The following ZFY variants were observed in gnomAD, a reference collection of about 807,000 sequenced individuals.
ZFY encodes the protein zinc finger protein Y-linked.
For missense variants in ZFY, 113 were observed against 170.9 expected, an observed-to-expected ratio of 0.66 and a Z score of 1.89; for synonymous variants, 47 against 55.8, an observed-to-expected ratio of 0.84 and a Z score of 0.71.
At chrY:2,937,730 C>A (rs1450233337) in intron 1 of ZFY, among the ~76,000 whole-genome samples, 1 of 32,316 alleles carries the variant, frequency 3.1e-5, no homozygotes, top group African/African-American at 1.2e-4. Flanking sequence ...TGAAACTTTG[C>A]CCTTCTTCTT....
chrY:2,946,970 C>T, intron 1 of ZFY, among the ~76,000 whole-genome samples: 1 of 33,022 alleles, frequency 3.0e-5, no homozygotes, highest in South Asian at 6.6e-4. Context: ...AAGATTGCGC[C>T]TGCGCCAGTG....
At chrY:2,956,382 A>G in intron 2 of ZFY, among the ~76,000 whole-genome samples, 4 of 33,506 alleles carry the variant, frequency 1.2e-4, no homozygotes, top group African/African-American at 4.7e-4. Flanking sequence ...ACAATTATAC[A>G]GTTCACCATA....
chrY:2,944,736 ATTTTTTTTTTTTT>A (rs764137501), intron 1 of ZFY, among the ~76,000 whole-genome samples: 1 of 4,295 alleles, frequency 2.3e-4, no homozygotes, highest in Non-Finnish European at 4.0e-4. Flanking sequence ...TCTTTTTATG[ATTTTTTTTTTTTT>A]TTTTTTTTTT....
At chrY:2,963,473 T>C (rs2124508477) in intron 3 of ZFY, among the ~76,000 whole-genome samples, 1 of 33,610 alleles carries the variant, frequency 3.0e-5, no homozygotes, top group Admixed American at 2.7e-4. Context: ...ATATCATCTT[T>C]AAGGACAGGT....
chrY:2,935,525 A>C lies in ZFY; in HGVS notation c.-273A>C. The C allele has an allele frequency of 5.7e-5, 2 of 34,791 alleles. No homozygotes were observed. Among genetic ancestry groups the C allele is most frequent in the African/African-American group, 1.1e-4 (1 of 9,003 alleles). The allele number at this position is 34,791 out of a possible 400,897, so 8.7% of individuals were successfully genotyped here. A position where few individuals can be genotyped will look rare whatever the true frequency, so the allele number is the denominator to read the frequency against. ...GTTTGTGGCCTGGTCGGCGTCCCGT[A>C]GGGCGCCCTCCCGCGCTAGGCCGGC... On this transcript the variant is annotated 5_prime_UTR_variant, in exon 1 of 8. Coordinates refer to ENST00000155093, the MANE Select transcript of ZFY (RefSeq NM_003411.4).
Position 2,975,525 on chromosome Y carries a change from A to C in ZFY, c.799A>C (p.Ile267Leu). ...TTCTCTGATAGGTGGAACTGTAGAC[A>C]TTGTGGAGAGTGAACCTGAAAATGA... ...GEDDLGGTVDIVESEPENDHG... is the reference protein window; with the variant it reads ...GEDDLGGTVDLVESEPENDHG... The change falls in exon 5 of 8, where the codon ATT becomes CTT. Residue 267 changes from isoleucine (I) to leucine (L), a missense_variant. By Grantham distance (5) the Ile-to-Leu change is conservative. Coordinates refer to ENST00000155093, the MANE Select transcript of ZFY (RefSeq NM_003411.4). 2.5e-6 allele frequency: 1 copy of C among 398,525 alleles called. No individual in the cohort carries two copies. The highest frequency in any genetic ancestry group is 3.5e-6 in the Non-Finnish European group (1 of 283,319).
intron 4 of ZFY, 51 bp downstream of exon 4, chrY:2,975,295 C>G (rs2051363214): frequency 2.8e-6 from 1 of 362,165 alleles, no homozygotes; most frequent in African/African-American, 6.7e-5. Context: ...ATGTTTCAAC[C>G]AAATGGTGTC....
intron 1 of ZFY, among the ~76,000 whole-genome samples, chrY:2,937,482 C>CT (rs2051219486): frequency 6.1e-5 from 1 of 16,262 alleles, no homozygotes; most frequent in Non-Finnish European, 1.3e-4. Flanking sequence ...GAGTGAGAGT[C>CT]TGTCTCAAAA....
chrY:2,935,837 G>A, intron 1 of ZFY, 68 bp downstream of exon 1: 1 of 34,487 alleles, frequency 2.9e-5, no homozygotes, highest in Non-Finnish European at 7.3e-5. Context: ...GGAGGGACGG[G>A]GGGGCAAGAT....
chrY:2,957,165 G>GTT (rs2051295537), intron 2 of ZFY, among the ~76,000 whole-genome samples: 1 of 27,961 alleles, frequency 3.6e-5, no homozygotes, highest in Non-Finnish European at 8.7e-5. Context: ...GTTGTTACTG[G>GTT]TTTTTTTTTT....
chrY:2,940,697 T>A, intron 1 of ZFY, among the ~76,000 whole-genome samples: 1 of 33,823 alleles, frequency 3.0e-5, no homozygotes, highest in African/African-American at 1.2e-4. Context: ...GTATTTTTTA[T>A]CACTCAACAG....
chrY:2,969,915 T>TA (rs2051342444), intron 3 of ZFY, among the ~76,000 whole-genome samples: 1 of 33,626 alleles, frequency 3.0e-5, no homozygotes, highest in African/African-American at 1.2e-4. Context: ...TTTAAACTTG[T>TA]ATTTGTCCTT....
At chrY:2,947,265 G>GTGTACTAAT (rs2051264709) in intron 1 of ZFY, among the ~76,000 whole-genome samples, 2 of 33,939 alleles carry the variant, frequency 5.9e-5, no homozygotes. Flanking sequence ...TTGTAATCCT[G>GTGTACTAAT]TGTACTAATT....
intron 3 of ZFY, among the ~76,000 whole-genome samples, chrY:2,966,120 C>CA (rs2051326858): frequency 3.2e-5 from 1 of 30,978 alleles, no homozygotes; most frequent in African/African-American, 1.3e-4. Context: ...GGCACAAAAC[C>CA]AAAAAAAAAG....
intron 1 of ZFY, among the ~76,000 whole-genome samples, chrY:2,943,362 C>T: frequency 2.9e-5 from 1 of 34,682 alleles, no homozygotes; most frequent in Non-Finnish European, 7.2e-5. Flanking sequence ...TCTCAGCTCA[C>T]TGCAATGTCC....
intron 5 of ZFY, among the ~76,000 whole-genome samples, 176 bp downstream of exon 5, chrY:2,975,830 C>G: frequency 3.1e-5 from 1 of 31,928 alleles, no homozygotes; most frequent in Non-Finnish European, 7.6e-5. Context: ...CTCTCTCTCC[C>G]CTTGCACCCC....
rs768270692 is a variant in ZFY at position 2,942,566 on chromosome Y, G to A, written c.-29+6797G>A. On this transcript the variant is annotated intron_variant, in intron 1 of 7. Coordinates refer to ENST00000155093, the MANE Select transcript of ZFY (RefSeq NM_003411.4). ...TGCAGGTGCACACCACCATTCCTGC[G>A]TAAATTTTTCTTTTTTTTTTCTTTT... Among the ~76,000 whole-genome samples the A allele has an allele frequency of 3.3e-4, 9 of 27,112 alleles. No individual in the cohort carries two copies. In the South Asian group the frequency reaches 7.0e-3, roughly 21 times the overall value. 72.7% of individuals were successfully genotyped at this position (27,112 alleles called of 37,273 possible).
Position 2,980,514 on chromosome Y carries a change from T to C in ZFY, c.*521T>C. The stretch of plus-strand genomic sequence containing the variant: ...TTTGAGCTTCTAGCATTGATTAATA[T>C]AGGATATTGACCACGTTTATGTTTA... On this transcript the variant is annotated 3_prime_UTR_variant, in exon 8 of 8. Coordinates refer to ENST00000155093, the MANE Select transcript of ZFY (RefSeq NM_003411.4). The C allele has an allele frequency of 2.8e-5, 1 of 35,359 alleles. No individual in the cohort carries two copies. Among genetic ancestry groups the C allele is most frequent in the African/African-American group, 1.1e-4 (1 of 8,880 alleles). 8.8% of individuals were successfully genotyped at this position (35,359 alleles called of 400,897 possible).
chrY:2,981,752 A>G lies in ZFY; in HGVS notation c.*1759A>G, dbSNP rs2051400028. ...TAGTTCTAAAGTGCTTTAGTCATAT[A>G]TGAATTTAAACCTAGTACCATCCAA... On this transcript the variant is annotated 3_prime_UTR_variant, in exon 8 of 8. Transcript: ENST00000155093. The G allele has an allele frequency of 3.0e-5, 1 of 33,442 alleles. No individual in the cohort carries two copies. Among genetic ancestry groups the G allele is most frequent in the Non-Finnish European group, 7.4e-5 (1 of 13,433 alleles). The allele number at this position is 33,442 out of a possible 400,897, so 8.3% of individuals were successfully genotyped here.
Sources: allele counts gnomAD v4.1 joint callset (sites outside exome capture counted in the v4.1 genomes callset), GRCh38; gene constraint gnomAD v4.1.1; transcripts MANE v1.5; gene names NCBI Gene and HGNC (gene_info 2026-07-23, HGNC 2026-07-21).